LRRC43: variants seen among roughly 807,000 people sequenced by gnomAD.
LRRC43 encodes the protein leucine rich repeat containing 43, also known as leucine-rich repeat-containing protein 43.
LRRC43 carries 62 observed loss-of-function variants against 64.3 expected under a neutral mutation model. That is an observed-to-expected ratio of 0.96 (90% confidence interval 0.79 to 1.19). LRRC43 has a LOEUF of 1.19. LRRC43 is among the 50% of genes most tolerant of loss of function. LRRC43 has a pLI of 0.00. For synonymous variants in LRRC43, 422 were observed against 382.3 expected (o/e 1.10, Z -1.21); for missense variants, 868 against 845.0 (o/e 1.03, Z -0.34).
upstream of LRRC43, among the ~76,000 whole-genome samples, chr12:122,178,810 T>C (rs1316941315): frequency 2.0e-5 from 3 of 151,996 alleles, no homozygotes. Context: ...GGTTTTTTCA[T>C]GTTGGCCAGG....
intron 7 of LRRC43, among the ~76,000 whole-genome samples, chr12:122,199,574 G>T (rs1320864208): frequency 1.3e-5 from 2 of 151,588 alleles, no homozygotes; most frequent in East Asian, 3.9e-4. Context: ...GAGTCACCCT[G>T]CCCGGCCTCT....
At chr12:122,183,720 C>G (rs531906622) in intron 1 of LRRC43, among the ~76,000 whole-genome samples, 2 of 152,358 alleles carry the variant, frequency 1.3e-5, no homozygotes, top group East Asian at 1.9e-4. Context: ...GGTTACCCCC[C>G]ATCCTGCCTC....
intron 6 of LRRC43, among the ~76,000 whole-genome samples, chr12:122,191,832 T>C (rs1244680862): frequency 6.6e-6 from 1 of 151,994 alleles, no homozygotes; most frequent in Non-Finnish European, 1.5e-5. Context: ...TTTTGTATTT[T>C]TAGTAGAGAT....
Position 122,174,185 on chromosome 12 carries a change from C to A in LRRC43, c.-406+6403C>A, listed in dbSNP as rs372066826. Reference sequence around the variant, plus strand: ...AGTGAGAGGCCATGGCGAGAGAGAGCAAGGCCAGCTTCAGTGGGGGCTTCT... The same window carrying A: ...AGTGAGAGGCCATGGCGAGAGAGAGAAAGGCCAGCTTCAGTGGGGGCTTCT... On this transcript the variant is annotated intron_variant, in intron 1 of 5. Transcript: ENST00000537729. 40 of 1,613,964 alleles carry A rather than the reference C, an allele frequency of 2.5e-5. No homozygotes were observed. The African/African-American group carries it at 4.9e-4, about 20-fold the overall frequency.
At chr12:122,172,154 G>T (rs1953490785) in intron 1 of LRRC43, 1 of 387,410 alleles carries the variant, frequency 2.6e-6, no homozygotes, top group South Asian at 3.4e-5. Context: ...CCTCACGAGG[G>T]TATAATAAGT....
intron 1 of LRRC43, among the ~76,000 whole-genome samples, chr12:122,175,522 G>A (rs1214792946): frequency 1.0e-5 from 1 of 96,160 alleles, no homozygotes; most frequent in Non-Finnish European, 2.2e-5. Flanking sequence ...TTTTTTTTTT[G>A]AGACAGGGTC....
chr12:122,184,862 CG>C lies in LRRC43; in HGVS notation c.411+84del. The C allele has an allele frequency of 6.9e-7, 1 of 1,439,180 alleles. No homozygotes were observed. Among genetic ancestry groups the C allele is most frequent in the Non-Finnish European group, 9.5e-7 (1 of 1,056,626 alleles). 89.2% of individuals were successfully genotyped at this position (1,439,180 alleles called of 1,614,324 possible). The stretch of plus-strand genomic sequence containing the variant: ...GTGGGGAGGGCACCCTTCCCCACAG[CG>C]CGTCAGGGATCCTGCTTTCAGGGCT... On this transcript the variant is annotated intron_variant, in intron 2 of 11. Coordinates refer to ENST00000339777, the MANE Select transcript of LRRC43 (RefSeq NM_001098519.2). The surrounding 1 kb of genome is among the most constrained non-coding windows in gnomAD (Gnocchi z 4.0).
At position 122,192,928 on chromosome 12, in the gene LRRC43, C is replaced by A. The variant is rs528169806; in HGVS notation, c.1273C>A (p.Gln425Lys). 7 of 1,613,904 alleles carry A rather than the reference C, an allele frequency of 4.3e-6. No individual in the cohort carries two copies. Among genetic ancestry groups the A allele is most frequent in the East Asian group, 4.5e-5 (2 of 44,876 alleles). The part of the protein sequence containing the change: ...SVISGPSTIL[Q>K]MPRASAEELA... ...CATCTCGGGGCCTTCGACCATCTTG[C>A]AGATGCCGAGGGCCTCTGCAGAAGA... The change falls in exon 7 of 12, where the codon CAG (glutamine) becomes AAG (lysine). Residue 425 changes from glutamine to lysine, a missense_variant. Coordinates refer to ENST00000339777, the MANE Select transcript of LRRC43 (RefSeq NM_001098519.2).
chr12:122,187,818 C>T lies in LRRC43; in HGVS notation c.640C>T (p.Leu214Phe), dbSNP rs778750097. The change falls in exon 4 of 12, where the codon CTC (leucine) becomes TTC (phenylalanine). Residue 214 changes from leucine to phenylalanine, a missense_variant. Transcript: ENST00000339777. ...CAAACTTCTAGGCCCCTTGGAAAGT[C>T]TCTACGTCACCGCTAATCACTGGTA... ...HNKLLGPLES[L>F]YVTANHWPNL... 6 of 1,614,078 alleles carry T rather than the reference C, an allele frequency of 3.7e-6. No homozygotes were observed. The highest frequency in any genetic ancestry group is 5.1e-6 in the Non-Finnish European group (6 of 1,179,982).
chr12:122,192,608 C>T, intron 6 of LRRC43, 137 bp from the exon 7 acceptor site: 1 of 964,580 alleles, frequency 1.0e-6, no homozygotes, highest in South Asian at 1.6e-5. Context: ...AAGCGCCTTC[C>T]TGCCTCCTAG....
intron 3 of LRRC43, chr12:122,187,479 A>G: frequency 2.0e-6 from 1 of 500,500 alleles, no homozygotes. Flanking sequence ...CCCATTCCAG[A>G]TGTTGAAGTG....
At chr12:122,193,129 C>T (rs1953738076) in intron 7 of LRRC43, 125 bp downstream of exon 7, 3 of 998,906 alleles carry the variant, frequency 3.0e-6, no homozygotes, top group Middle Eastern at 6.5e-4. Context: ...GTCTGTAATC[C>T]CGGCACTTTG....
At chr12:122,169,280 T>C (rs932800091) in intron 1 of LRRC43, among the ~76,000 whole-genome samples, 4 of 152,192 alleles carry the variant, frequency 2.6e-5, no homozygotes, top group Non-Finnish European at 5.9e-5. Flanking sequence ...TCTTTGAGGC[T>C]ATGCAGATTT....
chr12:122,172,530 A>G, intron 1 of LRRC43: 1 of 1,614,178 alleles, frequency 6.2e-7, no homozygotes, highest in Non-Finnish European at 8.5e-7. Context: ...GTCTGTTGGC[A>G]CAGAAATGTT....
At chr12:122,182,904 T>C (rs1593143479), upstream of LRRC43, 3 of 558,454 alleles carry the variant, frequency 5.4e-6, no homozygotes, top group South Asian at 7.2e-5. Flanking sequence ...GGGGAGTGCT[T>C]GACAGGAGCT....
At chr12:122,177,295 C>A (rs1411943568) in intron 1 of LRRC43, among the ~76,000 whole-genome samples, 1 of 152,010 alleles carries the variant, frequency 6.6e-6, no homozygotes, top group Admixed American at 6.6e-5. Context: ...TGGTGGGGGG[C>A]AGCGTGGAAA....
intron 3 of LRRC43, 91 bp downstream of exon 3, chr12:122,186,391 G>A (rs966068501): frequency 5.0e-6 from 4 of 804,486 alleles, no homozygotes; most frequent in East Asian, 2.7e-5. Flanking sequence ...GCCAGCATGG[G>A]TGGAGGGTAA....
intron 4 of LRRC43, among the ~76,000 whole-genome samples, chr12:122,188,208 G>A (rs1051327544): frequency 1.3e-5 from 2 of 152,066 alleles, no homozygotes; most frequent in Non-Finnish European, 2.9e-5. Context: ...CCGGGTTCAC[G>A]CCATTCTCCT....
chr12:122,186,295 C>A lies in LRRC43; in HGVS notation c.517C>A (p.Leu173Ile). Residue 173 changes from leucine to isoleucine, a missense_variant, in exon 3 of 12, where the codon CTC (leucine) becomes ATC (isoleucine). By Grantham distance (5) the Leu-to-Ile change is conservative (BLOSUM62 2). Transcript: ENST00000339777. ...EVDATNLPPT[L>I]KVLELYGNEI... ...GGATGCCACCAATCTGCCCCCCACACTCAAGGTGAAGGAGCCCCGGTCTGT... is the reference window on the plus strand; with the variant it reads ...GGATGCCACCAATCTGCCCCCCACAATCAAGGTGAAGGAGCCCCGGTCTGT... 1 of 1,592,190 alleles carries A rather than the reference C, an allele frequency of 6.3e-7. No homozygotes were observed. Among genetic ancestry groups the A allele is most frequent in the Non-Finnish European group, 8.6e-7 (1 of 1,168,400 alleles).
Sources: allele counts gnomAD v4.1 joint callset (sites outside exome capture counted in the v4.1 genomes callset), GRCh38; gene constraint gnomAD v4.1.1; non-coding constraint Gnocchi (gnomAD v3.1); transcripts MANE v1.5; gene names NCBI Gene and HGNC (gene_info 2026-07-23, HGNC 2026-07-21).